Variants in ZNF26 observed in about 807,000 individuals in gnomAD.
ZNF26 encodes the protein zinc finger protein 26.
In ZNF26, 32 loss-of-function variants were observed where a neutral mutation model predicts 54.9. The observed-to-expected ratio is 0.58, with a 90% CI of 0.44 to 0.78. ZNF26 has a LOEUF of 0.78. Ranked by LOEUF, ZNF26 falls within the 30% of genes least tolerant of loss-of-function variation. The pLI is 0.00. For synonymous variants in ZNF26, 221 were observed against 209.2 expected (o/e 1.06, Z -0.49); for missense variants, 524 against 634.0 (o/e 0.83, Z 1.86).
At chr12:133,005,029 ACTTAT>A (rs1953293839) in intron 1 of ZNF26, 1 of 151,584 alleles carries the variant, frequency 6.6e-6, no homozygotes, top group African/African-American at 2.4e-5. Flanking sequence ...TTGTTTGTTA[ACTTAT>A]CTTGTATTTC....
chr12:132,991,281 A>G (rs1474937422), intron 1 of ZNF26, among the ~76,000 whole-genome samples: 2 of 150,690 alleles, frequency 1.3e-5, no homozygotes, highest in African/African-American at 4.9e-5. Flanking sequence ...GTGAATCACG[A>G]GGTCAGATGT....
At chr12:133,009,225 C>T (rs1953413103) in intron 3 of ZNF26, among the ~76,000 whole-genome samples, 1 of 152,198 alleles carries the variant, frequency 6.6e-6, no homozygotes, top group African/African-American at 2.4e-5. Flanking sequence ...TAAAGTATTT[C>T]TCTGTCCTTT....
At chr12:132,991,647 T>A (rs374325730) in intron 1 of ZNF26, among the ~76,000 whole-genome samples, 3 of 149,602 alleles carry the variant, frequency 2.0e-5, no homozygotes, top group Non-Finnish European at 3.0e-5. Flanking sequence ...AAAAAAAACC[T>A]AAAAAAAAAA....
intron 1 of ZNF26, among the ~76,000 whole-genome samples, chr12:132,989,027 A>ATT: frequency 3.5e-5 from 3 of 85,552 alleles, no homozygotes; most frequent in South Asian, 3.8e-4. Flanking sequence ...TCTTTCGGTG[A>ATT]ATTTTTTTTT....
intron 1 of ZNF26, among the ~76,000 whole-genome samples, chr12:132,994,057 A>G (rs11832213): frequency 0.017 from 2,525 of 152,172 alleles, 79 homozygotes; most frequent in African/African-American, 0.057. Flanking sequence ...CAAAACCCCA[A>G]TATATTAGGC....
intron 1 of ZNF26, among the ~76,000 whole-genome samples, chr12:132,992,911 T>C (rs2137216822): frequency 6.6e-6 from 1 of 152,306 alleles, no homozygotes; most frequent in Middle Eastern, 3.4e-3. Context: ...AAGGTTTCTG[T>C]TGATACATCC....
rs969358882 is a variant in ZNF26 at position 133,007,186 on chromosome 12, A to G, written c.160+18A>G. 15 of 1,610,996 alleles carry G rather than the reference A, an allele frequency of 9.3e-6. No homozygotes were observed. Among genetic ancestry groups the G allele is most frequent in the Middle Eastern group, 1.6e-4 (1 of 6,066 alleles). On this transcript the variant is annotated intron_variant, in intron 2 of 3. Transcript: ENST00000328654. Reference sequence around the variant, plus strand: ...ATCAGTGGGTAAGTACTGCGTCTCAATGTTACTCAGATAGTGAATATTAAA... The same window carrying G: ...ATCAGTGGGTAAGTACTGCGTCTCAGTGTTACTCAGATAGTGAATATTAAA...
chr12:133,026,992 C>G lies in ZNF26; in HGVS notation c.*15511C>G, dbSNP rs1050712107. 1 of 152,016 alleles carries G rather than the reference C, an allele frequency of 6.6e-6. No individual in the cohort carries two copies. The highest frequency in any genetic ancestry group is 1.5e-5 in the Non-Finnish European group (1 of 68,024). The allele number at this position is 152,016 out of a possible 1,614,324, so 9.4% of individuals were successfully genotyped here. On this transcript the variant is annotated 3_prime_UTR_variant, in exon 4 of 4. Coordinates refer to ENST00000328654, the MANE Select transcript of ZNF26 (RefSeq NM_019591.4). The stretch of plus-strand genomic sequence containing the variant: ...TGGAACAATTCTTTGTTATAAAATT[C>G]TTAAGAAACTCAGAATAAAATGCAA...
At chr12:132,988,990 C>G (rs1952888262) in intron 1 of ZNF26, among the ~76,000 whole-genome samples, 1 of 144,706 alleles carries the variant, frequency 6.9e-6, no homozygotes, top group African/African-American at 2.5e-5. Context: ...ATCCTGCAAC[C>G]TTGGTATAAT....
At position 133,010,146 on chromosome 12, in the gene ZNF26, A is replaced by G; in HGVS notation, c.267A>G (p.Glu89=). Reference sequence around the variant, plus strand: ...TTTGTTTTTTTGTAGATGGCTGGGAAGAATGGTACCAGAACAATCAAGATG... The same window carrying G: ...TTTGTTTTTTTGTAGATGGCTGGGAGGAATGGTACCAGAACAATCAAGATG... ...ISRQSCPDGW[E]EWYQNNQDEL... is the part of the protein sequence containing the mutation. The change falls in exon 4 of 4, where the codon GAA becomes GAG. Residue 89 remains glutamate (E), a synonymous_variant. Transcript: ENST00000328654. 13 of 1,579,720 alleles carry G rather than the reference A, an allele frequency of 8.2e-6. No individual in the cohort carries two copies. Among genetic ancestry groups the G allele is most frequent in the Non-Finnish European group, 1.1e-5 (13 of 1,169,602 alleles).
chr12:133,007,526 T>TGTCCA lies in ZNF26; in HGVS notation c.252_256dup (p.Asp86ValfsTer33), dbSNP rs1391898256. ...AAATGCCAAAATTTCCAGGCAGAGC[T>TGTCCA]GTCCAGGTGGGTGAGTGAGAAAGAG... On this transcript the variant is annotated frameshift_variant, in exon 3 of 4. Transcript: ENST00000328654. LOFTEE classifies it high-confidence loss of function. The TGTCCA allele has an allele frequency of 6.2e-7, 1 of 1,612,158 alleles. No homozygotes were observed.
rs146150128 is a variant in ZNF26 at position 133,016,407 on chromosome 12, C to CTTTTTTT, written c.*4937_*4943dup. 411 of 138,756 alleles carry CTTTTTTT rather than the reference C, an allele frequency of 3.0e-3. 2 individuals carry two copies. Among genetic ancestry groups the CTTTTTTT allele is most frequent in the African/African-American group, 9.8e-3 (370 of 37,666 alleles). 8.6% of individuals were successfully genotyped at this position (138,756 alleles called of 1,614,324 possible). A position where few individuals can be genotyped will look rare whatever the true frequency, so the allele number is the denominator to read the frequency against. ...TTAATTTTTAAAAACAATTTAGCTA[C>CTTTTTTT]TTTTTTTTTTTTTTTTTAACTATTT... On this transcript the variant is annotated 3_prime_UTR_variant, in exon 4 of 4. Coordinates refer to ENST00000328654, the MANE Select transcript of ZNF26 (RefSeq NM_019591.4).
Position 133,013,918 on chromosome 12 carries a change from A to G in ZNF26, c.*2437A>G, listed in dbSNP as rs1953528113. On this transcript the variant is annotated 3_prime_UTR_variant, in exon 4 of 4. Transcript: ENST00000328654. ...AATAACTGTTGTTGGAACATGGCTA[A>G]ATATATTTGTGTATTATTTGACTGC... 6.6e-6 allele frequency: 1 copy of G among 152,486 alleles called. No individual in the cohort carries two copies. The highest frequency in any genetic ancestry group is 2.4e-5 in the African/African-American group (1 of 41,462). 9.4% of individuals were successfully genotyped at this position (152,486 alleles called of 1,614,324 possible).
chr12:133,000,627 T>C (rs1953194635), intron 1 of ZNF26, among the ~76,000 whole-genome samples: 1 of 152,068 alleles, frequency 6.6e-6, no homozygotes, highest in Middle Eastern at 3.2e-3. Context: ...GGTTTCACCA[T>C]GTTAGCCAGG....
Position 133,020,724 on chromosome 12 carries a change from C to A in ZNF26, c.*9243C>A, listed in dbSNP as rs1412651906. ...AACACAGATATATTGTCTTACTGTT[C>A]TGGAGCCTCCATGTTTGAAATCAAG... On this transcript the variant is annotated 3_prime_UTR_variant, in exon 4 of 4. Transcript: ENST00000328654. 4 of 152,174 alleles carry A rather than the reference C, an allele frequency of 2.6e-5. No individual in the cohort carries two copies. Among genetic ancestry groups the A allele is most frequent in the Non-Finnish European group, 4.4e-5 (3 of 68,048 alleles). The allele number at this position is 152,174 out of a possible 1,614,324, so 9.4% of individuals were successfully genotyped here.
At chr12:133,000,924 C>T (rs1294875544) in intron 1 of ZNF26, among the ~76,000 whole-genome samples, 1 of 152,052 alleles carries the variant, frequency 6.6e-6, no homozygotes, top group Non-Finnish European at 1.5e-5. Context: ...CAATAAGCCT[C>T]CTGGTCTACC....
chr12:133,016,407 C>CTTTTTTTT lies in ZNF26; in HGVS notation c.*4936_*4943dup, dbSNP rs146150128. On this transcript the variant is annotated 3_prime_UTR_variant, in exon 4 of 4. Transcript: ENST00000328654. ...TTAATTTTTAAAAACAATTTAGCTACTTTTTTTTTTTTTTTTTAACTATTT... is the reference window on the plus strand; with the variant it reads ...TTAATTTTTAAAAACAATTTAGCTACTTTTTTTTTTTTTTTTTTTTTTTTTAACTATTT... 112 of 138,772 alleles carry CTTTTTTTT rather than the reference C, an allele frequency of 8.1e-4. No homozygotes were observed. The highest frequency in any genetic ancestry group is 2.7e-3 in the African/African-American group (102 of 37,684). 8.6% of individuals were successfully genotyped at this position (138,772 alleles called of 1,614,324 possible).
At position 133,018,832 on chromosome 12, in the gene ZNF26, A is replaced by G. The variant is rs1172632195; in HGVS notation, c.*7351A>G. 6.6e-6 allele frequency: 1 copy of G among 152,162 alleles called. No homozygotes were observed. Among genetic ancestry groups the G allele is most frequent in the South Asian group, 2.1e-4 (1 of 4,822 alleles). 9.4% of individuals were successfully genotyped at this position (152,162 alleles called of 1,614,324 possible). ...GGTATCAAACTCCAGGGCTCAAGCA[A>G]TCCTCCCATTCTGGTCTCTCGAAGC... On this transcript the variant is annotated 3_prime_UTR_variant, in exon 4 of 4. Transcript: ENST00000328654.
chr12:133,004,157 G>A (rs917217913), intron 1 of ZNF26, among the ~76,000 whole-genome samples: 3 of 152,134 alleles, frequency 2.0e-5, no homozygotes, highest in Non-Finnish European at 2.9e-5. Flanking sequence ...TGTTTGGGAA[G>A]CTGTACTTGT....
Sources: gnomAD v4.1 joint callset for allele counts (sites outside exome capture counted in the v4.1 genomes callset) on GRCh38, gnomAD v4.1.1 for gene constraint, MANE v1.5 for transcripts, NCBI Gene and HGNC (gene_info 2026-07-23, HGNC 2026-07-21) for gene names.